Variants in DPP10 observed in about 807,000 individuals in gnomAD.
DPP10 encodes the protein inactive dipeptidyl peptidase 10.
Under a neutral mutation model 120.9 loss-of-function variants are expected in DPP10, and 33 were observed. That is an observed-to-expected ratio of 0.27 (90% CI 0.21 to 0.37). The LOEUF (loss-of-function observed/expected upper bound fraction) is 0.37, where lower values mean the gene tolerates loss of function less well. DPP10 is among the 10% of genes least tolerant of loss of function. The probability of loss-of-function intolerance (pLI) is 1.00; values close to 1 mark genes in which losing one functional copy is unlikely to be tolerated. For missense variants in DPP10, 816 were observed against 942.8 expected (o/e 0.87, Z 1.76); for synonymous variants, 337 against 326.1 (o/e 1.03, Z -0.36).
At chr2:114,928,317 T>C (rs1181164055) in intron 1 of DPP10, among the ~76,000 whole-genome samples, 2 of 152,350 alleles carry the variant, frequency 1.3e-5, no homozygotes, top group Non-Finnish European at 1.5e-5. Context: ...ACAATTATTG[T>C]ACAGGCATTA....
Position 115,432,264 on chromosome 2 carries a change from G to A in DPP10, c.272-67246G>A, listed in dbSNP as rs914972489. Among the ~76,000 whole-genome samples the A allele has an allele frequency of 4.6e-5, 7 of 152,002 alleles. No homozygotes were observed. The East Asian group carries it at 1.3e-3, about 29-fold the overall frequency. On this transcript the variant is annotated intron_variant, in intron 3 of 25. Coordinates refer to ENST00000410059, the MANE Select transcript of DPP10 (RefSeq NM_020868.6). ...ATGACAGACCTCAACATGTTGACTCGTACTTTATTTAAGCTATTATGAGCT... is the reference window on the plus strand; with the variant it reads ...ATGACAGACCTCAACATGTTGACTCATACTTTATTTAAGCTATTATGAGCT...
intron 1 of DPP10, among the ~76,000 whole-genome samples, chr2:115,169,000 T>C (rs1470263036): frequency 1.3e-5 from 2 of 152,202 alleles, no homozygotes. Flanking sequence ...TTTTCTAAGT[T>C]TTTCATGCCA....
At chr2:115,344,662 G>A (rs558252868) in intron 3 of DPP10, among the ~76,000 whole-genome samples, 1 of 152,114 alleles carries the variant, frequency 6.6e-6, no homozygotes, top group South Asian at 2.1e-4. Context: ...GGCTTCATAG[G>A]TTTTGCTTTG....
chr2:115,367,658 C>A (rs1390608154), intron 3 of DPP10, among the ~76,000 whole-genome samples: 3 of 151,844 alleles, frequency 2.0e-5, no homozygotes, highest in African/African-American at 7.3e-5. Flanking sequence ...TAACGAGGTG[C>A]AATATCAAGG....
chr2:115,712,541 TAA>T lies in DPP10; in HGVS notation c.577-15273_577-15272del, dbSNP rs56949246. On this transcript the variant is annotated intron_variant, in intron 7 of 25. Transcript: ENST00000410059. The stretch of plus-strand genomic sequence containing the variant: ...GAAATAGCTTTGAAGAGTCCTGAAT[TAA>T]ATATATATATATATATATATATAAA... Among the ~76,000 whole-genome samples, 102 of 31,274 alleles carry T rather than the reference TAA, an allele frequency of 3.3e-3. 29 individuals carry two copies. In the East Asian group the frequency reaches 0.056, roughly 17 times the overall value. The allele number at this position is 31,274 out of a possible 152,430, so 20.5% of individuals were successfully genotyped here. A position where few individuals can be genotyped will look rare whatever the true frequency, so the allele number is the denominator to read the frequency against.
intron 1 of DPP10, among the ~76,000 whole-genome samples, chr2:115,302,163 T>G (rs963396014): frequency 2.0e-5 from 3 of 151,950 alleles, no homozygotes; most frequent in African/African-American, 7.2e-5. Context: ...AACCATCACG[T>G]CTTGTGAGAA....
At chr2:115,801,667 C>G (rs1176461393) in intron 19 of DPP10, among the ~76,000 whole-genome samples, 1 of 152,092 alleles carries the variant, frequency 6.6e-6, no homozygotes, top group Non-Finnish European at 1.5e-5. Context: ...TGTCAAAGGC[C>G]TTCTCTGCAT....
chr2:114,790,726 G>T (rs1683167939), intron 1 of DPP10, among the ~76,000 whole-genome samples: 1 of 152,178 alleles, frequency 6.6e-6, no homozygotes, highest in Admixed American at 6.5e-5. Flanking sequence ...GCCAGGAAAA[G>T]AACTTTCACA....
At chr2:114,475,854 T>C (rs186347144) in intron 1 of DPP10, among the ~76,000 whole-genome samples, 6 of 152,264 alleles carry the variant, frequency 3.9e-5, no homozygotes, top group Admixed American at 3.9e-4. Flanking sequence ...CTCTTTCCTG[T>C]GAGGGTAACT....
intron 1 of DPP10, among the ~76,000 whole-genome samples, chr2:114,606,788 T>C (rs1417692856): frequency 1.3e-5 from 2 of 152,208 alleles, no homozygotes; most frequent in African/African-American, 4.8e-5. Flanking sequence ...TTGATATGTA[T>C]TTAAACCTGG....
chr2:114,547,541 A>T (rs1418053137), intron 1 of DPP10, among the ~76,000 whole-genome samples: 1 of 151,924 alleles, frequency 6.6e-6, no homozygotes, highest in Non-Finnish European at 1.5e-5. Flanking sequence ...TAGCTGTACA[A>T]CTCTAGGAAT....
At chr2:114,932,683 A>T (rs1419297976) in intron 1 of DPP10, among the ~76,000 whole-genome samples, 1 of 152,190 alleles carries the variant, frequency 6.6e-6, no homozygotes, top group African/African-American at 2.4e-5. Flanking sequence ...AAGAGAAATG[A>T]AATCTTCCGA....
chr2:115,776,797 C>T (rs1328808616), intron 13 of DPP10, among the ~76,000 whole-genome samples: 1 of 151,778 alleles, frequency 6.6e-6, no homozygotes, highest in Non-Finnish European at 1.5e-5. Flanking sequence ...TAACAATGCC[C>T]ATACTGCAAA....
chr2:114,591,326 GA>G (rs1691441555), intron 1 of DPP10, among the ~76,000 whole-genome samples: 1 of 152,202 alleles, frequency 6.6e-6, no homozygotes, highest in Non-Finnish European at 1.5e-5. Context: ...CAGTAGTATG[GA>G]GCACAGACAG....
intron 1 of DPP10, among the ~76,000 whole-genome samples, chr2:114,603,019 G>C (rs983503009): frequency 1.3e-5 from 2 of 152,036 alleles, no homozygotes; most frequent in Non-Finnish European, 2.9e-5. Flanking sequence ...AAAAATGTCA[G>C]AAGACTACAT....
intron 1 of DPP10, among the ~76,000 whole-genome samples, chr2:114,748,388 T>G (rs1678836996): frequency 7.0e-6 from 1 of 142,850 alleles, no homozygotes; most frequent in Non-Finnish European, 1.5e-5. Context: ...ATTTATTTAT[T>G]TATTTATTTA....
chr2:114,866,335 T>C (rs1690232155), intron 1 of DPP10, among the ~76,000 whole-genome samples: 1 of 152,068 alleles, frequency 6.6e-6, no homozygotes, highest in Non-Finnish European at 1.5e-5. Flanking sequence ...TTATTTGCAT[T>C]GTTATCTAAT....
Position 115,309,288 on chromosome 2 carries a change from T to C in DPP10, c.110T>C (p.Ile37Thr). The part of the protein sequence containing the change: ...PPQRNWKGIA[I>T]ALLVILVVCS... ...CAGAGAAACTGGAAGGGAATTGCTATTGCTCTGCTGGTGATTTTAGTTGTA... is the reference window on the plus strand; with the variant it reads ...CAGAGAAACTGGAAGGGAATTGCTACTGCTCTGCTGGTGATTTTAGTTGTA... The change falls in exon 2 of 26, where the codon ATT (isoleucine) becomes ACT (threonine). Residue 37 changes from isoleucine (I) to threonine (T), a missense_variant. Ile to Thr is a moderately conservative substitution (Grantham distance 89, BLOSUM62 -1). This residue lies in a region of DPP10 where 182 missense variants were observed against 207.4 expected (regional missense o/e 0.88). Coordinates refer to ENST00000410059, the MANE Select transcript of DPP10 (RefSeq NM_020868.6). 1 of 1,613,668 alleles carries C rather than the reference T, an allele frequency of 6.2e-7. No homozygotes were observed. The highest frequency in any genetic ancestry group is 8.5e-7 in the Non-Finnish European group (1 of 1,179,690).
intron 3 of DPP10, among the ~76,000 whole-genome samples, chr2:115,377,744 G>C (rs947768379): frequency 2.1e-4 from 32 of 151,948 alleles, no homozygotes; most frequent in South Asian, 4.2e-4. Flanking sequence ...GTGTAAGGAA[G>C]GGATCCAGTT....
Sources: allele counts gnomAD v4.1 joint callset (sites outside exome capture counted in the v4.1 genomes callset), GRCh38; gene constraint gnomAD v4.1.1; regional missense constraint gnomAD v4.1.1; transcripts MANE v1.5; gene names NCBI Gene and HGNC (gene_info 2026-07-23, HGNC 2026-07-21).